The following MECOM variants were observed in gnomAD, a reference collection of about 807,000 sequenced individuals.
The protein encoded by MECOM is histone-lysine N-methyltransferase MECOM.
In MECOM, 13 loss-of-function variants were observed where a neutral mutation model predicts 116.3. The observed-to-expected ratio is 0.11, with a 90% CI of 0.07 to 0.18. The LOEUF (loss-of-function observed/expected upper bound fraction) is 0.18. Among genes scored for constraint, MECOM ranks in the 10% least tolerant of loss-of-function variants. The pLI is 1.00. For synonymous variants in MECOM, 528 were observed against 535.2 expected, an observed-to-expected ratio of 0.99 and a Z score of 0.19; for missense variants, 1,299 against 1,509.0, an observed-to-expected ratio of 0.86 and a Z score of 2.31.
rs775159617 is a variant in MECOM at position 169,090,230 on chromosome 3, A to G, written c.3171T>C (p.Asn1057=). The change falls in exon 15 of 17, where the codon AAT becomes AAC. Residue 1057 remains asparagine, a synonymous_variant. Coordinates refer to ENST00000651503, the MANE Select transcript of MECOM (RefSeq NM_004991.4). ...CCTTTTCATCTTTAAAATGACTGCC[A>G]TTCATTCTTTCAAAAGCATTAAAAA... The part of the protein sequence containing the change: ...QSPRNVEERM[N]GSHFKDEKAL... The G allele has an allele frequency of 1.6e-5, 25 of 1,600,362 alleles. No homozygotes were observed. The East Asian group carries it at 2.9e-4, about 19-fold the overall frequency.
chr3:169,461,954 C>T (rs1429117227), intron 1 of MECOM, among the ~76,000 whole-genome samples: 1 of 152,146 alleles, frequency 6.6e-6, no homozygotes, highest in Non-Finnish European at 1.5e-5. Context: ...TGAAGAAGAG[C>T]TACCTTCTTT....
chr3:169,485,823 A>ATG (rs1168141221), intron 1 of MECOM, among the ~76,000 whole-genome samples: 1 of 141,256 alleles, frequency 7.1e-6, no homozygotes, highest in Non-Finnish European at 1.5e-5. Context: ...CTCTAAATAT[A>ATG]TATATGTATA....
intron 1 of MECOM, among the ~76,000 whole-genome samples, chr3:169,580,295 G>T (rs867617987): frequency 2.0e-5 from 3 of 152,082 alleles, no homozygotes. Context: ...CTTTAGTGAT[G>T]ATTTCTGAGA....
intron 2 of MECOM, chr3:169,146,812 G>T: frequency 9.1e-7 from 1 of 1,098,456 alleles, no homozygotes; most frequent in Non-Finnish European, 1.1e-6. Context: ...AGCCCCCAAC[G>T]CTCCTGCACG....
chr3:169,494,182 A>AC (rs1012488372), intron 1 of MECOM, among the ~76,000 whole-genome samples: 7 of 151,876 alleles, frequency 4.6e-5, no homozygotes, highest in African/African-American at 1.7e-4. Context: ...AAAACAGGGG[A>AC]CAATCTCAGT....
At chr3:169,094,309 C>A (rs1026421470) in intron 13 of MECOM, among the ~76,000 whole-genome samples, 1 of 152,122 alleles carries the variant, frequency 6.6e-6, no homozygotes, top group African/African-American at 2.4e-5. Flanking sequence ...TCCCCTACCC[C>A]CAAAGCATAA....
chr3:169,378,470 CAAGCAAGA>C (rs1404135807), intron 2 of MECOM, among the ~76,000 whole-genome samples: 4 of 32,788 alleles, frequency 1.2e-4, no homozygotes, highest in African/African-American at 6.4e-4. Context: ...AGCAAGCAAG[CAAGCAAGA>C]AAGAGAGAGA....
chr3:169,221,289 T>C (rs10513662), intron 2 of MECOM, among the ~76,000 whole-genome samples: 50,293 of 152,018 alleles, frequency 0.33, 9,262 homozygotes, highest in Middle Eastern at 0.55. Flanking sequence ...ACCTTTGTCC[T>C]AATTTTATGA....
chr3:169,170,477 T>C (rs1360551316), intron 2 of MECOM, among the ~76,000 whole-genome samples: 1 of 152,024 alleles, frequency 6.6e-6, no homozygotes, highest in East Asian at 1.9e-4. Flanking sequence ...CGAATTACAT[T>C]GTTTCCCAAT....
chr3:169,626,299 A>G (rs1438526920), intron 1 of MECOM, among the ~76,000 whole-genome samples: 2 of 152,232 alleles, frequency 1.3e-5, no homozygotes, highest in Non-Finnish European at 2.9e-5. Context: ...TAATATGTAC[A>G]CTATGTAAAT....
At chr3:169,402,377 G>A (rs549311889) in intron 1 of MECOM, among the ~76,000 whole-genome samples, 150 of 152,294 alleles carry the variant, frequency 9.8e-4, no homozygotes, top group Admixed American at 3.3e-3. Context: ...CATCTAGACA[G>A]TAATGAGGCT....
intron 1 of MECOM, among the ~76,000 whole-genome samples, chr3:169,403,851 A>C (rs1736252286): frequency 6.6e-6 from 1 of 152,240 alleles, no homozygotes; most frequent in Admixed American, 6.5e-5. Flanking sequence ...GAAACATAAA[A>C]AGACAAATTT....
chr3:169,177,079 C>A (rs1223087751), intron 2 of MECOM, among the ~76,000 whole-genome samples: 2 of 152,078 alleles, frequency 1.3e-5, no homozygotes. Context: ...GGATCTAGAA[C>A]CAGAAATATC....
intron 2 of MECOM, among the ~76,000 whole-genome samples, chr3:169,189,688 A>T (rs1335029966): frequency 6.6e-6 from 1 of 152,032 alleles, no homozygotes; most frequent in Non-Finnish European, 1.5e-5. Flanking sequence ...ATTCGTAATC[A>T]TGCCTTAAGA....
intron 1 of MECOM, among the ~76,000 whole-genome samples, chr3:169,574,380 G>C (rs1362776): frequency 0.3 from 46,070 of 151,942 alleles, 8,156 homozygotes; most frequent in East Asian, 0.72. Flanking sequence ...AGAGCTAAGA[G>C]TGAAGGAAGC....
intron 1 of MECOM, among the ~76,000 whole-genome samples, chr3:169,392,541 G>GT (rs1373734049): frequency 6.6e-6 from 1 of 152,144 alleles, no homozygotes; most frequent in Non-Finnish European, 1.5e-5. Flanking sequence ...CTGGAGCTGT[G>GT]TAAGTTGCTA....
At chr3:169,656,332 TC>T (rs1428715052) in intron 1 of MECOM, among the ~76,000 whole-genome samples, 3 of 152,226 alleles carry the variant, frequency 2.0e-5, no homozygotes, top group Admixed American at 2.0e-4. Flanking sequence ...AATAAATTTC[TC>T]CTTTAGAATT....
chr3:169,253,606 C>G (rs938806362), intron 2 of MECOM, among the ~76,000 whole-genome samples: 1 of 151,902 alleles, frequency 6.6e-6, no homozygotes, highest in African/African-American at 2.4e-5. Flanking sequence ...ACACATGTAT[C>G]AGAATAAATA....
intron 2 of MECOM, among the ~76,000 whole-genome samples, chr3:169,273,833 C>T (rs1759259821): frequency 6.6e-6 from 1 of 151,298 alleles, no homozygotes; most frequent in African/African-American, 2.4e-5. Flanking sequence ...TGTGTGCTAT[C>T]ATGGCTGTGT....
Sources: allele counts gnomAD v4.1 joint callset (sites outside exome capture counted in the v4.1 genomes callset), GRCh38; gene constraint gnomAD v4.1.1; transcripts MANE v1.5; gene names NCBI Gene and HGNC (gene_info 2026-07-23, HGNC 2026-07-21).